EYS: variants seen among roughly 807,000 people sequenced by gnomAD.
EYS encodes the protein protein eyes shut homolog.
Under a neutral mutation model 282.1 loss-of-function variants are expected in EYS, and 250 were observed. The observed-to-expected ratio is 0.89, with a 90% confidence interval of 0.80 to 0.98. EYS has a LOEUF of 0.98. EYS is among the 50% of genes least tolerant of loss of function. The pLI, the probability that EYS is intolerant of heterozygous loss-of-function variation, is 0.00. For missense variants in EYS, 4,016 were observed against 3,709.0 expected, an observed-to-expected ratio of 1.08 and a Z score of -2.15; for synonymous variants, 1,355 against 1,282.9, an observed-to-expected ratio of 1.06 and a Z score of -1.20.
At chr6:64,939,107 A>AT (rs1769006426) in intron 15 of EYS, among the ~76,000 whole-genome samples, 1 of 151,858 alleles carries the variant, frequency 6.6e-6, no homozygotes, top group Non-Finnish European at 1.5e-5. Flanking sequence ...TGCTCATCTC[A>AT]TTAATATAGC....
At chr6:64,658,770 G>A (rs541810848) in intron 22 of EYS, among the ~76,000 whole-genome samples, 9 of 152,252 alleles carry the variant, frequency 5.9e-5, no homozygotes, top group African/African-American at 1.7e-4. Context: ...CCCTACTGGG[G>A]GGTGCCTCCC....
At chr6:65,018,963 T>G (rs1050904601) in intron 13 of EYS, among the ~76,000 whole-genome samples, 2 of 152,160 alleles carry the variant, frequency 1.3e-5, no homozygotes, top group Non-Finnish European at 2.9e-5. Flanking sequence ...GACATCATTT[T>G]GGATTCTAGA....
chr6:65,050,751 A>G (rs1282929345), intron 13 of EYS, among the ~76,000 whole-genome samples: 1 of 151,550 alleles, frequency 6.6e-6, no homozygotes, highest in Non-Finnish European at 1.5e-5. Flanking sequence ...CTGAAAAACT[A>G]ATTGCTCCAT....
intron 12 of EYS, among the ~76,000 whole-genome samples, chr6:65,243,293 G>C (rs1391541917): frequency 6.6e-6 from 1 of 151,514 alleles, no homozygotes; most frequent in Admixed American, 6.6e-5. Flanking sequence ...TTAAGATTTT[G>C]GTTTTCTAGT....
chr6:64,591,411 A>C lies in EYS; in HGVS notation c.4456T>G (p.Leu1486Val), dbSNP rs1312747119. ...SLISRREHWR[L>V]LSPSMSPIFP... ...ATGGGAGACATCGAGGGGCTGAGCA[A>C]TCTCCAGTGCTCTCTTCTTGAAATT... The change falls in exon 26 of 43, where the codon TTG (leucine) becomes GTG (valine). Residue 1486 changes from leucine to valine, a missense_variant. Physicochemically the swap from Leu to Val is conservative, Grantham distance 32. Coordinates refer to ENST00000503581, the MANE Select transcript of EYS (RefSeq NM_001142800.2). The C allele has an allele frequency of 6.4e-7, 1 of 1,551,278 alleles. No individual in the cohort carries two copies. Among genetic ancestry groups the C allele is most frequent in the Admixed American group, 2.0e-5 (1 of 50,960 alleles).
intron 12 of EYS, among the ~76,000 whole-genome samples, chr6:65,196,943 C>T (rs1288733358): frequency 6.6e-6 from 1 of 151,950 alleles, no homozygotes; most frequent in Non-Finnish European, 1.5e-5. Context: ...CAATGGGGTG[C>T]CAGCAGTGAG....
intron 14 of EYS, among the ~76,000 whole-genome samples, chr6:64,954,884 A>G (rs959496306): frequency 1.3e-5 from 2 of 152,154 alleles, no homozygotes; most frequent in African/African-American, 4.8e-5. Context: ...AATCAAAAAC[A>G]TAGGCTAGGC....
chr6:65,436,331 T>A (rs1249828135), intron 5 of EYS, among the ~76,000 whole-genome samples: 2 of 152,160 alleles, frequency 1.3e-5, no homozygotes, highest in African/African-American at 4.8e-5. Context: ...ATTTTTTTCA[T>A]CATTTTTAAG....
chr6:63,806,605 CT>C (rs1770915839), intron 36 of EYS, among the ~76,000 whole-genome samples: 1 of 152,184 alleles, frequency 6.6e-6, no homozygotes, highest in Admixed American at 6.5e-5. Flanking sequence ...CTAGCATACT[CT>C]TTCTACATAA....
chr6:64,071,447 C>CT (rs1313735038), intron 32 of EYS, among the ~76,000 whole-genome samples: 1 of 151,598 alleles, frequency 6.6e-6, no homozygotes, highest in East Asian at 2.0e-4. Flanking sequence ...ATTCCTTATT[C>CT]TTTATACATG....
chr6:64,193,951 C>G (rs1765198684), intron 31 of EYS, among the ~76,000 whole-genome samples: 1 of 152,128 alleles, frequency 6.6e-6, no homozygotes. Context: ...AATAGTGCTG[C>G]AATAAACATA....
chr6:64,574,535 T>A (rs1350490613), intron 26 of EYS, among the ~76,000 whole-genome samples: 1 of 152,106 alleles, frequency 6.6e-6, no homozygotes, highest in African/African-American at 2.4e-5. Context: ...TCATAGAGTC[T>A]CAGGGTAAGA....
intron 2 of EYS, among the ~76,000 whole-genome samples, chr6:65,600,668 T>C (rs987617063): frequency 6.6e-6 from 1 of 152,024 alleles, no homozygotes; most frequent in East Asian, 1.9e-4. Flanking sequence ...GGAAAATAAG[T>C]ACTGTGTATT....
chr6:63,844,164 G>A (rs559320646), intron 36 of EYS, among the ~76,000 whole-genome samples: 65 of 152,148 alleles, frequency 4.3e-4, no homozygotes, highest in African/African-American at 1.3e-3. Flanking sequence ...CTCCATCCAC[G>A]TCCCGGCAAA....
At chr6:64,705,510 C>T (rs905886078) in intron 22 of EYS, among the ~76,000 whole-genome samples, 9 of 151,856 alleles carry the variant, frequency 5.9e-5, no homozygotes, top group Admixed American at 2.6e-4. Context: ...AAAAAGCATG[C>T]ATAGCCAAAG....
intron 5 of EYS, among the ~76,000 whole-genome samples, chr6:65,461,002 C>T (rs1764809512): frequency 6.6e-6 from 1 of 151,738 alleles, no homozygotes; most frequent in Non-Finnish European, 1.5e-5. Context: ...AATAAATTAC[C>T]AAAGATGTAT....
intron 26 of EYS, among the ~76,000 whole-genome samples, chr6:64,465,826 T>G (rs1953682): frequency 6.6e-6 from 1 of 151,692 alleles, no homozygotes; most frequent in African/African-American, 2.4e-5. Context: ...ACCTGCAGAA[T>G]TGGAGAAAAT....
chr6:63,851,248 A>G (rs2149703033), intron 36 of EYS, among the ~76,000 whole-genome samples: 1 of 152,338 alleles, frequency 6.6e-6, no homozygotes, highest in Non-Finnish European at 1.5e-5. Flanking sequence ...CCCCACTGGC[A>G]ATATTGGACA....
intron 6 of EYS, 50 bp from the exon 7 acceptor site, chr6:65,402,655 A>C (rs1766563183): frequency 4.5e-6 from 6 of 1,324,030 alleles, no homozygotes; most frequent in Non-Finnish European, 6.5e-6. Flanking sequence ...GATATTTCAA[A>C]GGTAATGAAT....
Sources: allele counts gnomAD v4.1 joint callset (sites outside exome capture counted in the v4.1 genomes callset), GRCh38; gene constraint gnomAD v4.1.1; transcripts MANE v1.5; gene names NCBI Gene and HGNC (gene_info 2026-07-23, HGNC 2026-07-21).